Variants in NTM observed in about 807,000 individuals in gnomAD.
NTM encodes neurotrimin, also known as IgLON family member 2.
A neutral mutation model predicts 42.1 loss-of-function variants in NTM; 13 were observed. The ratio of observed to expected loss-of-function variants is 0.31; its 90% CI spans 0.20 to 0.49. The LOEUF is 0.49. Among genes scored for constraint, NTM ranks in the 20% least tolerant of loss-of-function variants. NTM has a pLI of 0.99. For missense variants in NTM, 373 were observed against 452.8 expected, an observed-to-expected ratio of 0.82 and a Z score of 1.60; for synonymous variants, 187 against 179.2, an observed-to-expected ratio of 1.04 and a Z score of -0.35.
At chr11:131,554,690 G>T (rs1384589191) in intron 1 of NTM, among the ~76,000 whole-genome samples, 2 of 152,132 alleles carry the variant, frequency 1.3e-5, no homozygotes, top group East Asian at 3.9e-4. Context: ...AATCCCTGAG[G>T]TTCAAATTGT....
intron 2 of NTM, among the ~76,000 whole-genome samples, chr11:132,069,317 A>C (rs1470947827): frequency 0.014 from 2,038 of 149,300 alleles, 39 homozygotes; most frequent in African/African-American, 0.049. Flanking sequence ...TGACCATCAC[A>C]GGTTAGTTAA....
intron 1 of NTM, among the ~76,000 whole-genome samples, chr11:131,682,357 A>G (rs1555082649): frequency 6.6e-6 from 1 of 152,224 alleles, no homozygotes; most frequent in Non-Finnish European, 1.5e-5. Flanking sequence ...CTGTGGTTGC[A>G]GGCCACAGGG....
chr11:131,548,465 TCTC>T (rs1341239763), intron 1 of NTM, among the ~76,000 whole-genome samples: 10 of 152,140 alleles, frequency 6.6e-5, no homozygotes, highest in Non-Finnish European at 1.3e-4. Context: ...AGTTCTTTCT[TCTC>T]CCCAGAGACT....
chr11:131,789,636 A>AAG lies in NTM; in HGVS notation c.83-121927_83-121926insGA, dbSNP rs1555127950. 2.5e-3 allele frequency among the ~76,000 whole-genome samples: 78 copies of AAG among 30,898 alleles called. 18 individuals are homozygous for AAG. Among genetic ancestry groups the AAG allele is most frequent in the African/African-American group, 8.2e-3 (68 of 8,284 alleles). 20.3% of individuals were successfully genotyped at this position (30,898 alleles called of 152,430 possible). On this transcript the variant is annotated intron_variant, in intron 1 of 8. Coordinates refer to ENST00000683400, the MANE Select transcript of NTM (RefSeq NM_001352005.2). ...AAGAAGAAGAAGAAGAAGAAGAAGA[A>AAG]AAGAAGAAGAAGAAGAAGAAGAAGA... is the stretch of plus-strand genomic sequence containing the variant.
rs144523681 is a variant in NTM, at chr11:132,296,864, C to A, written c.527-10825C>A. 2.1e-4 allele frequency among the ~76,000 whole-genome samples: 32 copies of A among 152,316 alleles called. 1 individual carries two copies. Among genetic ancestry groups the A allele is most frequent in the Admixed American group, 1.8e-3 (27 of 15,304 alleles). On this transcript the variant is annotated intron_variant, in intron 4 of 8. Coordinates refer to ENST00000683400, the MANE Select transcript of NTM (RefSeq NM_001352005.2). ...GCATTCAAAAGTAAGTGGGCAGAGC[C>A]CATGCACGTGTTTCCAGCAGGATGA...
chr11:131,467,314 A>G (rs1371143513), intron 1 of NTM, among the ~76,000 whole-genome samples: 1 of 152,178 alleles, frequency 6.6e-6, no homozygotes, highest in Non-Finnish European at 1.5e-5. Context: ...CTGCATTTCC[A>G]CGGGAGATGA....
At chr11:131,833,528 G>A (rs1442534237) in intron 1 of NTM, among the ~76,000 whole-genome samples, 1 of 152,202 alleles carries the variant, frequency 6.6e-6, no homozygotes, top group African/African-American at 2.4e-5. Flanking sequence ...ACTCATGGGG[G>A]AAGCCACCTC....
chr11:131,874,035 ATAT>A (rs1350464296), intron 1 of NTM, among the ~76,000 whole-genome samples: 48 of 17,752 alleles, frequency 2.7e-3, no homozygotes, highest in Admixed American at 0.016. Flanking sequence ...AATATAATAT[ATAT>A]ATATATATAT....
rs143948948 is a variant in NTM at position 131,978,713 on chromosome 11, A to T, written c.167+67065A>T. ...CTAGAACCATGCATCCTCTACCAAA[A>T]TACGTTTCCTTAGTTTAATAAGTTT... On this transcript the variant is annotated intron_variant, in intron 2 of 8. Coordinates refer to ENST00000683400, the MANE Select transcript of NTM (RefSeq NM_001352005.2). 9.2e-3 allele frequency among the ~76,000 whole-genome samples: 1,402 copies of T among 152,270 alleles called. 5 individuals carry two copies. Among genetic ancestry groups the T allele is most frequent in the Non-Finnish European group, 0.016 (1,066 of 68,004 alleles).
intron 1 of NTM, among the ~76,000 whole-genome samples, chr11:131,868,502 G>A (rs1015577133): frequency 1.2e-4 from 18 of 152,236 alleles, no homozygotes; most frequent in Admixed American, 9.8e-4. Context: ...TCAGTGGGCC[G>A]CCACTGCCAG....
At chr11:131,424,873 T>TTTTTTTA (rs1555108234) in intron 1 of NTM, among the ~76,000 whole-genome samples, 1 of 146,658 alleles carries the variant, frequency 6.8e-6, no homozygotes, top group Non-Finnish European at 1.5e-5. Context: ...CCAGCTTTTT[T>TTTTTTTA]TTTTTTTATT....
rs7396108 is a variant in NTM, at chr11:131,435,563, G to T, written c.82+64675G>T. Among the ~76,000 whole-genome samples the T allele has an allele frequency of 2.1e-4, 32 of 152,080 alleles. 1 individual carries two copies. The highest frequency in any genetic ancestry group is 1.2e-4 in the African/African-American group (5 of 41,468). On this transcript the variant is annotated intron_variant, in intron 1 of 8. Coordinates refer to ENST00000683400, the MANE Select transcript of NTM (RefSeq NM_001352005.2). Reference sequence around the variant, plus strand: ...TTCTCTTTGTAGCAATTCTGAATGGGAGTTCACTCATGATTTGGCTCTCTG... The same window carrying T: ...TTCTCTTTGTAGCAATTCTGAATGGTAGTTCACTCATGATTTGGCTCTCTG...
At chr11:131,845,384 G>A (rs2044767935) in intron 1 of NTM, among the ~76,000 whole-genome samples, 1 of 152,066 alleles carries the variant, frequency 6.6e-6, no homozygotes, top group South Asian at 2.1e-4. Context: ...TGACTGAAAT[G>A]GAAATCTGTT....
chr11:131,637,468 A>T (rs1369119482), intron 1 of NTM, among the ~76,000 whole-genome samples: 3 of 151,568 alleles, frequency 2.0e-5, no homozygotes, highest in Non-Finnish European at 4.4e-5. Context: ...TCTTTTCCAG[A>T]TGGCCCACTG....
At chr11:131,959,761 A>G (rs779773280) in intron 2 of NTM, among the ~76,000 whole-genome samples, 76 of 152,334 alleles carry the variant, frequency 5.0e-4, no homozygotes, top group Admixed American at 2.4e-3. Flanking sequence ...TAAAGCTACT[A>G]TCAACAGGGT....
chr11:131,632,673 C>CTTTTTTTTTTTTTTTTTTTTT (rs529612626), intron 1 of NTM, among the ~76,000 whole-genome samples: 1 of 83,060 alleles, frequency 1.2e-5, no homozygotes, highest in Non-Finnish European at 2.1e-5. Context: ...GCTCGGGCAG[C>CTTTTTTTTTTTTTTTTTTTTT]TTTTTTTTTT....
chr11:132,011,578 G>A (rs2072202980), intron 2 of NTM, among the ~76,000 whole-genome samples: 1 of 152,122 alleles, frequency 6.6e-6, no homozygotes, highest in Non-Finnish European at 1.5e-5. Context: ...TACTTACTGT[G>A]TACCTGACCT....
chr11:131,477,091 G>A (rs1296794822), intron 1 of NTM, among the ~76,000 whole-genome samples: 1 of 152,060 alleles, frequency 6.6e-6, no homozygotes, highest in East Asian at 1.9e-4. Context: ...GGGTAGCACA[G>A]CTTGGAGGAG....
intron 1 of NTM, among the ~76,000 whole-genome samples, chr11:131,647,410 A>T (rs1263448440): frequency 6.6e-6 from 1 of 152,186 alleles, no homozygotes; most frequent in South Asian, 2.1e-4. Flanking sequence ...GCAGCCCTAC[A>T]CTGCCTGTGG....
Sources: gnomAD v4.1 joint callset for allele counts (sites outside exome capture counted in the v4.1 genomes callset) on GRCh38, gnomAD v4.1.1 for gene constraint, MANE v1.5 for transcripts, NCBI Gene and HGNC (gene_info 2026-07-23, HGNC 2026-07-21) for gene names.